CCNT2: variants seen among roughly 807,000 people sequenced by gnomAD.
CCNT2 encodes the protein cyclin T2, also known as cyclin-T2.
In CCNT2, 18 loss-of-function variants were observed where a neutral mutation model predicts 70.0. The ratio of observed to expected loss-of-function variants is 0.26; its 90% CI spans 0.18 to 0.38. The LOEUF is 0.38. Among genes scored for constraint, CCNT2 ranks in the 10% least tolerant of loss-of-function variants. The probability of loss-of-function intolerance (pLI) is 1.00; values close to 1 mark genes in which losing one functional copy is unlikely to be tolerated. For synonymous variants in CCNT2, 334 were observed against 313.3 expected, an observed-to-expected ratio of 1.07 and a Z score of -0.70; for missense variants, 734 against 890.2, an observed-to-expected ratio of 0.82 and a Z score of 2.23.
intron 6 of CCNT2, 79 bp downstream of exon 6, chr2:134,946,225 T>C (rs928114897): frequency 6.7e-7 from 1 of 1,496,956 alleles, no homozygotes; most frequent in African/African-American, 1.4e-5. Context: ...TCAATGTGTC[T>C]CTTACCCTTG....
chr2:134,949,212 G>A (rs932612678), intron 7 of CCNT2, among the ~76,000 whole-genome samples: 5 of 152,112 alleles, frequency 3.3e-5, no homozygotes, highest in African/African-American at 1.2e-4. Context: ...GTAGAGATGG[G>A]GTTTTGCAGT....
chr2:134,929,613 C>CAGAGAGAGAGAG (rs140163816), intron 2 of CCNT2, among the ~76,000 whole-genome samples: 9,920 of 117,506 alleles, frequency 0.084, 690 homozygotes, highest in African/African-American at 0.15. Context: ...GTCTCAAAAA[C>CAGAGAGAGAGAG]AGAGAGAGAG....
At chr2:134,923,776 C>T (rs1466207962) in intron 2 of CCNT2, among the ~76,000 whole-genome samples, 2 of 152,220 alleles carry the variant, frequency 1.3e-5, no homozygotes, top group Non-Finnish European at 2.9e-5. Flanking sequence ...GAAATTAAAA[C>T]TATTACGTGG....
At chr2:134,936,275 CTTAG>C (rs941497518) in intron 2 of CCNT2, among the ~76,000 whole-genome samples, 1 of 151,316 alleles carries the variant, frequency 6.6e-6, no homozygotes, top group Admixed American at 6.6e-5. Context: ...AGTCAACTTA[CTTAG>C]TATGTCTTTT....
chr2:134,945,168 TTGA>T (rs1183817489), intron 5 of CCNT2: 7 of 985,394 alleles, frequency 7.1e-6, no homozygotes, highest in Middle Eastern at 5.2e-4. Flanking sequence ...AACCTTTATG[TTGA>T]TGATCCACAT....
intron 2 of CCNT2, among the ~76,000 whole-genome samples, chr2:134,932,145 T>G (rs1680825216): frequency 6.6e-6 from 1 of 151,100 alleles, no homozygotes; most frequent in Admixed American, 6.6e-5. Flanking sequence ...CCACCATACC[T>G]GGCTAATTTT....
rs148579498 is a variant in CCNT2, at chr2:134,932,496, T to C, written c.241-4345T>C. Among the ~76,000 whole-genome samples the C allele has an allele frequency of 4.5e-4, 68 of 152,340 alleles. No individual in the cohort carries two copies. In the Middle Eastern group the frequency reaches 0.024, roughly 53 times the overall value. On this transcript the variant is annotated intron_variant, in intron 2 of 8. Coordinates refer to ENST00000264157, the MANE Select transcript of CCNT2 (RefSeq NM_058241.3). ...GAATACTGATATTTTGGGGCCGTTA[T>C]TAACCCAGCTTTCTTTTAAATGTAA... is the stretch of plus-strand genomic sequence containing the variant.
At chr2:134,939,920 G>A (rs922297885) in intron 4 of CCNT2, among the ~76,000 whole-genome samples, 3 of 152,158 alleles carry the variant, frequency 2.0e-5, no homozygotes, top group Non-Finnish European at 4.4e-5. Flanking sequence ...CTTATCTAAA[G>A]TCATATGTTA....
At chr2:134,952,939 C>T (rs1682635582) in intron 8 of CCNT2, 3 of 486,334 alleles carry the variant, frequency 6.2e-6, no homozygotes, top group African/African-American at 2.0e-5. Context: ...AAAGTATCCT[C>T]TTCATTTTAC....
Position 134,957,049 on chromosome 2 carries a change from C to T in CCNT2, c.*2401C>T, listed in dbSNP as rs1639007076. 1.3e-5 allele frequency: 2 copies of T among 152,572 alleles called. No homozygotes were observed. The highest frequency in any genetic ancestry group is 4.8e-5 in the African/African-American group (2 of 41,436). The allele number at this position is 152,572 out of a possible 1,614,324, so 9.5% of individuals were successfully genotyped here. A position where few individuals can be genotyped will look rare whatever the true frequency, so the allele number is the denominator to read the frequency against. ...TGTGTGAGCTATTCAAACTCTTCAA[C>T]CCCTGAACAGGGTATTAAGCTTCCA... is the stretch of plus-strand genomic sequence containing the variant. On this transcript the variant is annotated 3_prime_UTR_variant, in exon 9 of 9. Transcript: ENST00000264157.
At chr2:134,948,151 A>AC in intron 7 of CCNT2, among the ~76,000 whole-genome samples, 1 of 152,072 alleles carries the variant, frequency 6.6e-6, no homozygotes, top group Middle Eastern at 3.4e-3. Flanking sequence ...CCCTGTCTCT[A>AC]CAAAAAAAAA....
intron 2 of CCNT2, among the ~76,000 whole-genome samples, chr2:134,924,921 CTA>C (rs2105016218): frequency 6.6e-6 from 1 of 152,254 alleles, no homozygotes; most frequent in East Asian, 1.9e-4. Flanking sequence ...TTGAAGGACC[CTA>C]GAGTGTGTGA....
At chr2:134,945,212 A>T in intron 5 of CCNT2, 1 of 985,376 alleles carries the variant, frequency 1.0e-6, no homozygotes, top group Non-Finnish European at 1.2e-6. Context: ...TGCCATGAAT[A>T]AAAAATAGGG....
At chr2:134,930,830 C>T (rs541630207) in intron 2 of CCNT2, among the ~76,000 whole-genome samples, 287 of 152,142 alleles carry the variant, frequency 1.9e-3, no homozygotes, top group Non-Finnish European at 3.5e-3. Context: ...GATAGCATAT[C>T]TAAGAAACCT....
chr2:134,934,656 A>G (rs1193320263), intron 2 of CCNT2, among the ~76,000 whole-genome samples: 1 of 152,220 alleles, frequency 6.6e-6, no homozygotes, highest in East Asian at 1.9e-4. Context: ...TTTGCAGGTT[A>G]TAGAGAAGGA....
intron 2 of CCNT2, among the ~76,000 whole-genome samples, chr2:134,933,829 T>G (rs1559097324): frequency 6.6e-6 from 1 of 152,238 alleles, no homozygotes; most frequent in Non-Finnish European, 1.5e-5. Flanking sequence ...GGGAGCACTA[T>G]TCTAAGTCCT....
chr2:134,942,240 T>C (rs1179059448), intron 4 of CCNT2, among the ~76,000 whole-genome samples: 2 of 151,918 alleles, frequency 1.3e-5, no homozygotes, highest in Non-Finnish European at 1.5e-5. Context: ...GCACTTTTCA[T>C]GTCTTCTGAA....
In CCNT2 at chr2:134,956,857, G is replaced by T. The variant is rs1419967174; in HGVS notation, c.*2209G>T. The T allele has an allele frequency of 2.0e-5, 3 of 152,578 alleles. No homozygotes were observed. The highest frequency in any genetic ancestry group is 4.4e-5 in the Non-Finnish European group (3 of 68,002). The allele number at this position is 152,578 out of a possible 1,614,324, so 9.5% of individuals were successfully genotyped here. On this transcript the variant is annotated 3_prime_UTR_variant, in exon 9 of 9. Coordinates refer to ENST00000264157, the MANE Select transcript of CCNT2 (RefSeq NM_058241.3). ...TTATTGAATCTTCATTGGTGCTAATGATGGACAGTTAAAAAGATAGCTAGT... is the reference window on the plus strand; with the variant it reads ...TTATTGAATCTTCATTGGTGCTAATTATGGACAGTTAAAAAGATAGCTAGT...
At chr2:134,924,715 C>T (rs1261973087) in intron 2 of CCNT2, among the ~76,000 whole-genome samples, 1 of 152,190 alleles carries the variant, frequency 6.6e-6, no homozygotes, top group Non-Finnish European at 1.5e-5. Context: ...TCCCAAAGTG[C>T]TGGGATTACA....
Sources: gnomAD v4.1 joint callset for allele counts (sites outside exome capture counted in the v4.1 genomes callset) on GRCh38, gnomAD v4.1.1 for gene constraint, MANE v1.5 for transcripts, NCBI Gene and HGNC (gene_info 2026-07-23, HGNC 2026-07-21) for gene names.